The following GRM3 variants were observed in gnomAD, a reference collection of about 807,000 sequenced individuals.
GRM3 encodes the protein metabotropic glutamate receptor 3.
In GRM3, 26 loss-of-function variants were observed where a neutral mutation model predicts 70.5. The ratio of observed to expected loss-of-function variants is 0.37; its 90% confidence interval spans 0.27 to 0.51. GRM3 has a LOEUF of 0.51. Ranked by LOEUF, GRM3 falls within the 20% of genes least tolerant of loss-of-function variation. The probability of loss-of-function intolerance (pLI) is 0.93; values close to 1 mark genes in which losing one functional copy is unlikely to be tolerated. For missense variants in GRM3, 859 were observed against 1,123.8 expected (o/e 0.76, Z 3.37); for synonymous variants, 443 against 434.9 (o/e 1.02, Z -0.23).
chr7:86,801,801 A>G (rs1797688883), intron 3 of GRM3, among the ~76,000 whole-genome samples: 1 of 152,226 alleles, frequency 6.6e-6, no homozygotes, highest in Non-Finnish European at 1.5e-5. Flanking sequence ...TATAATTTTT[A>G]GAATACAATC....
intron 2 of GRM3, among the ~76,000 whole-genome samples, chr7:86,771,425 C>T (rs1796737174): frequency 2.6e-5 from 4 of 151,950 alleles, no homozygotes; most frequent in Admixed American, 2.6e-4. Flanking sequence ...TTTGCAAATG[C>T]CATGAATTAA....
intron 5 of GRM3, among the ~76,000 whole-genome samples, chr7:86,852,083 A>T (rs1798765256): frequency 6.6e-6 from 1 of 152,134 alleles, no homozygotes; most frequent in Non-Finnish European, 1.5e-5. Flanking sequence ...ACACTTTAAA[A>T]ATGGCAGAAA....
chr7:86,856,931 A>T (rs1798861340), intron 5 of GRM3, among the ~76,000 whole-genome samples: 1 of 152,124 alleles, frequency 6.6e-6, no homozygotes, highest in Admixed American at 6.6e-5. Context: ...TTATTCTAAT[A>T]ACCACATTTC....
chr7:86,649,904 A>G (rs183914351), intron 1 of GRM3, among the ~76,000 whole-genome samples: 1 of 152,284 alleles, frequency 6.6e-6, no homozygotes, highest in Admixed American at 6.5e-5. Flanking sequence ...TTTCACAAAC[A>G]TGTGTAAAGT....
intron 3 of GRM3, among the ~76,000 whole-genome samples, chr7:86,814,116 C>A (rs377535228): frequency 5.3e-5 from 8 of 151,796 alleles, no homozygotes; most frequent in Non-Finnish European, 1.0e-4. Context: ...TAAGCCTATG[C>A]CTTAGAGTTA....
intron 4 of GRM3, among the ~76,000 whole-genome samples, chr7:86,844,282 C>A (rs1798613270): frequency 6.6e-6 from 1 of 152,094 alleles, no homozygotes. Context: ...AGAAAATATT[C>A]CACTGAAGGG....
At chr7:86,731,923 G>A (rs1315061847) in intron 1 of GRM3, among the ~76,000 whole-genome samples, 1 of 151,856 alleles carries the variant, frequency 6.6e-6, no homozygotes, top group Non-Finnish European at 1.5e-5. Flanking sequence ...TATCACCAAC[G>A]CCTAATACAA....
intron 1 of GRM3, among the ~76,000 whole-genome samples, chr7:86,746,341 T>TTTTATATATATATA (rs1388333232): frequency 0.028 from 2,478 of 87,012 alleles, 89 homozygotes; most frequent in African/African-American, 0.055. Context: ...CAGTCATGTA[T>TTTTATATATATATA]TATATATATA....
intron 1 of GRM3, among the ~76,000 whole-genome samples, chr7:86,691,485 G>C (rs2116031226): frequency 6.6e-6 from 1 of 152,252 alleles, no homozygotes; most frequent in South Asian, 2.1e-4. Context: ...TAGTTCAAAG[G>C]ATAATTAAAG....
At chr7:86,828,004 C>T (rs1167151783) in intron 3 of GRM3, among the ~76,000 whole-genome samples, 7 of 149,592 alleles carry the variant, frequency 4.7e-5, no homozygotes, top group Admixed American at 2.0e-4. Flanking sequence ...CCCAGGTACT[C>T]GGGAGGCTGA....
intron 1 of GRM3, among the ~76,000 whole-genome samples, chr7:86,657,700 A>C (rs1389878370): frequency 1.3e-5 from 2 of 152,210 alleles, no homozygotes; most frequent in Non-Finnish European, 2.9e-5. Flanking sequence ...TTTGGGAGGC[A>C]GAGAGATGAG....
chr7:86,657,952 G>A (rs1358489907), intron 1 of GRM3, among the ~76,000 whole-genome samples: 1 of 152,162 alleles, frequency 6.6e-6, no homozygotes, highest in Non-Finnish European at 1.5e-5. Flanking sequence ...TGGAAAATGT[G>A]GGAGTTGTCT....
chr7:86,864,503 T>C lies in GRM3; in HGVS notation c.*148T>C, dbSNP rs2115634042. 3 of 647,908 alleles carry C rather than the reference T, an allele frequency of 4.6e-6. No homozygotes were observed. In the East Asian group the frequency reaches 8.1e-5, roughly 18 times the overall value. The allele number at this position is 647,908 out of a possible 1,614,324, so 40.1% of individuals were successfully genotyped here. On this transcript the variant is annotated 3_prime_UTR_variant, in exon 6 of 6. Transcript: ENST00000361669. ...ATAAATTATTTTTGAGGACTGTATA[T>C]AGTGATGTGCTAGAACTTTCTAGGC...
intron 3 of GRM3, among the ~76,000 whole-genome samples, chr7:86,793,866 G>A (rs1324713681): frequency 6.6e-6 from 1 of 151,892 alleles, no homozygotes; most frequent in Non-Finnish European, 1.5e-5. Flanking sequence ...TTTATTATGA[G>A]TCATTTATAC....
At chr7:86,774,600 A>T (rs552881426) in intron 2 of GRM3, among the ~76,000 whole-genome samples, 1 of 152,250 alleles carries the variant, frequency 6.6e-6, no homozygotes, top group East Asian at 1.9e-4. Context: ...TTATATTTTA[A>T]ACATAGACCA....
intron 1 of GRM3, among the ~76,000 whole-genome samples, chr7:86,726,145 CT>C (rs1437553691): frequency 1.3e-5 from 2 of 152,160 alleles, no homozygotes; most frequent in Non-Finnish European, 2.9e-5. Flanking sequence ...AGAGGTCACT[CT>C]TTTTACTAAT....
At position 86,786,312 on chromosome 7, in the gene GRM3, A is replaced by C; in HGVS notation, c.520A>C (p.Thr174Pro). Reference protein sequence around the residue: ...FQIPQISYASTSAKLSDKSRY... With the variant: ...FQIPQISYASPSAKLSDKSRY... ...GATCCCTCAGATCAGCTACGCATCC[A>C]CCAGCGCCAAACTCAGTGATAAGTC... is the stretch of plus-strand genomic sequence containing the variant. The change falls in exon 3 of 6, where the codon ACC becomes CCC. Residue 174 changes from threonine (T) to proline (P), a missense_variant. Physicochemically the swap from Thr to Pro is conservative, Grantham distance 38. Transcript: ENST00000361669. The surrounding 1 kb of genome is among the most constrained non-coding windows in gnomAD (Gnocchi z 6.0). 2 of 1,614,038 alleles carry C rather than the reference A, an allele frequency of 1.2e-6. No individual in the cohort carries two copies.
intron 1 of GRM3, among the ~76,000 whole-genome samples, chr7:86,717,517 G>C (rs1284124382): frequency 6.6e-6 from 1 of 151,886 alleles, no homozygotes; most frequent in African/African-American, 2.4e-5. Flanking sequence ...CTTTGTCACT[G>C]ATAAAAATTT....
chr7:86,771,446 T>G (rs1235882136), intron 2 of GRM3, among the ~76,000 whole-genome samples: 1 of 152,086 alleles, frequency 6.6e-6, no homozygotes, highest in Non-Finnish European at 1.5e-5. Flanking sequence ...GCATCTTATT[T>G]ACCTATCTAT....
Sources: gnomAD v4.1 joint callset for allele counts (sites outside exome capture counted in the v4.1 genomes callset) on GRCh38, gnomAD v4.1.1 for gene constraint, Gnocchi (gnomAD v3.1) non-coding constraint, MANE v1.5 for transcripts, NCBI Gene and HGNC (gene_info 2026-07-23, HGNC 2026-07-21) for gene names.